RASA1: variants seen among roughly 807,000 people sequenced by gnomAD.
RASA1 encodes RAS p21 protein activator 1.
RASA1 carries 25 observed loss-of-function variants against 132.2 expected under a neutral mutation model. The observed-to-expected ratio is 0.19, with a 90% confidence interval of 0.14 to 0.26. The LOEUF (loss-of-function observed/expected upper bound fraction) is 0.26. RASA1 is among the 10% of genes least tolerant of loss of function. The pLI is 1.00. For missense variants in RASA1, 964 were observed against 1,299.2 expected (o/e 0.74, Z 3.97); for synonymous variants, 477 against 449.9 (o/e 1.06, Z -0.76).
intron 18 of RASA1, among the ~76,000 whole-genome samples, chr5:87,378,875 T>G (rs2112496632): frequency 6.6e-6 from 1 of 152,338 alleles, no homozygotes; most frequent in Non-Finnish European, 1.5e-5. Flanking sequence ...TTATATAACC[T>G]ATGTAGCACT....
At chr5:87,352,592 A>G (rs1448573909) in intron 8 of RASA1, among the ~76,000 whole-genome samples, 1 of 151,704 alleles carries the variant, frequency 6.6e-6, no homozygotes, top group African/African-American at 2.4e-5. Context: ...AATTTGTAGC[A>G]CTTTTAATCA....
At chr5:87,365,693 T>A (rs1238199770) in intron 11 of RASA1, among the ~76,000 whole-genome samples, 1 of 152,028 alleles carries the variant, frequency 6.6e-6, no homozygotes, top group East Asian at 1.9e-4. Context: ...ATTAGACTCA[T>A]AAGATAAAAA....
At chr5:87,321,842 C>T (rs1227871831) in intron 1 of RASA1, among the ~76,000 whole-genome samples, 2 of 152,210 alleles carry the variant, frequency 1.3e-5, no homozygotes, top group Non-Finnish European at 2.9e-5. Context: ...ATAGGACCCT[C>T]TCTGAAATGA....
At chr5:87,374,802 A>G (rs751085665) in intron 14 of RASA1, 38 bp from the exon 15 acceptor site, 3 of 1,605,870 alleles carry the variant, frequency 1.9e-6, no homozygotes, top group Non-Finnish European at 2.6e-6. Context: ...TTTGATGCCA[A>G]AACATTTTGT....
intron 17 of RASA1, chr5:87,377,270 C>T (rs1761391243): frequency 1.8e-6 from 1 of 547,206 alleles, no homozygotes; most frequent in African/African-American, 1.9e-5. Flanking sequence ...CTAGAAGCCA[C>T]AAGAAGGTGG....
intron 1 of RASA1, among the ~76,000 whole-genome samples, chr5:87,325,772 A>G (rs1386080077): frequency 1.3e-5 from 2 of 152,210 alleles, no homozygotes; most frequent in African/African-American, 2.4e-5. Context: ...TGTAGTAGAC[A>G]GTTTTCATTT....
At chr5:87,295,288 T>C (rs1253031390) in intron 1 of RASA1, among the ~76,000 whole-genome samples, 1 of 152,006 alleles carries the variant, frequency 6.6e-6, no homozygotes, top group Non-Finnish European at 1.5e-5. Context: ...TGGTCTACTT[T>C]GACAGTGTCT....
chr5:87,386,137 A>G (rs964242619), intron 22 of RASA1, among the ~76,000 whole-genome samples: 7 of 151,990 alleles, frequency 4.6e-5, no homozygotes, highest in African/African-American at 1.4e-4. Context: ...TTGGATAGGC[A>G]TAATATTTTG....
intron 5 of RASA1, among the ~76,000 whole-genome samples, chr5:87,339,071 T>G (rs931050105): frequency 6.6e-6 from 1 of 152,196 alleles, no homozygotes; most frequent in Non-Finnish European, 1.5e-5. Flanking sequence ...GGAGTGGCTT[T>G]CTGTTGTCTT....
chr5:87,273,179 G>C (rs950748850), intron 1 of RASA1, among the ~76,000 whole-genome samples: 2 of 152,046 alleles, frequency 1.3e-5, no homozygotes, highest in African/African-American at 4.8e-5. Flanking sequence ...TTAGTATTTT[G>C]TACCTTGTTT....
At chr5:87,387,935 A>C (rs577562007) in intron 23 of RASA1, among the ~76,000 whole-genome samples, 1 of 152,284 alleles carries the variant, frequency 6.6e-6, no homozygotes, top group Non-Finnish European at 1.5e-5. Flanking sequence ...ACAATCTAAG[A>C]TTTCATACTG....
chr5:87,379,841 T>A lies in RASA1; in HGVS notation c.2594T>A (p.Ile865Lys). 1 of 1,612,438 alleles carries A rather than the reference T, an allele frequency of 6.2e-7. No homozygotes were observed. ...LVEKIFMASE[I>K]LPPTLRYIYG... ...GAGAAAATATTCATGGCTTCAGAAA[T>A]ACTTCCACCGTAAGTGGTGAAATTT... Residue 865 changes from isoleucine (I) to lysine (K), a missense_variant, in exon 19 of 25, where the codon ATA (isoleucine) becomes AAA (lysine). Physicochemically the swap from Ile to Lys is moderately radical, Grantham distance 102. Around this residue, in one of 6 missense-constraint regions of RASA1, gnomAD observed 346 missense variants for 520.1 expected, o/e 0.67. Coordinates refer to ENST00000274376, the MANE Select transcript of RASA1 (RefSeq NM_002890.3).
chr5:87,268,716 G>A lies in RASA1; in HGVS notation c.265G>A (p.Gly89Arg). ...ACTGGGGGGAGCTGGACTGACAGGG[G>A]GAGGTACTGCTGCTGGCGTAGCTGG... ...GALGGAGLTG[G>R]GTAAGVAGAA... The change falls in exon 1 of 25, where the codon GGA (glycine) becomes AGA (arginine). Residue 89 changes from glycine (G) to arginine (R), a missense_variant. Transcript: ENST00000274376. 2 of 1,612,726 alleles carry A rather than the reference G, an allele frequency of 1.2e-6. No individual in the cohort carries two copies. The highest frequency in any genetic ancestry group is 1.7e-6 in the Non-Finnish European group (2 of 1,179,434).
intron 1 of RASA1, among the ~76,000 whole-genome samples, chr5:87,310,745 A>C (rs1413538888): frequency 6.6e-6 from 1 of 152,176 alleles, no homozygotes; most frequent in Non-Finnish European, 1.5e-5. Context: ...AATTTTCATA[A>C]TACTAATGTA....
chr5:87,370,003 C>A, intron 12 of RASA1, 103 bp downstream of exon 12: 1 of 953,192 alleles, frequency 1.0e-6, no homozygotes, highest in South Asian at 1.5e-5. Context: ...AGTGACAGAA[C>A]GCCTGAAATC....
intron 1 of RASA1, 63 bp from the exon 2 acceptor site, chr5:87,331,285 A>T: frequency 6.7e-7 from 1 of 1,487,090 alleles, no homozygotes; most frequent in South Asian, 1.1e-5. Context: ...ATGTTTTTCA[A>T]GTGTCCATAG....
intron 1 of RASA1, among the ~76,000 whole-genome samples, chr5:87,286,927 A>C (rs948640636): frequency 1.3e-5 from 2 of 149,582 alleles, no homozygotes; most frequent in African/African-American, 4.9e-5. Context: ...ATATATATAC[A>C]TACCATATAT....
At chr5:87,354,893 T>A (rs893828215) in intron 9 of RASA1, among the ~76,000 whole-genome samples, 3 of 152,142 alleles carry the variant, frequency 2.0e-5, no homozygotes, top group Non-Finnish European at 4.4e-5. Flanking sequence ...GGATTGAAGA[T>A]TAAACCAGGG....
At chr5:87,320,586 C>G (rs1468734165) in intron 1 of RASA1, among the ~76,000 whole-genome samples, 1 of 152,106 alleles carries the variant, frequency 6.6e-6, no homozygotes, top group Non-Finnish European at 1.5e-5. Context: ...ACTTTTAAAC[C>G]ATCAGATCTT....
Sources: gnomAD v4.1 joint callset for allele counts (sites outside exome capture counted in the v4.1 genomes callset) on GRCh38, gnomAD v4.1.1 for gene constraint, gnomAD v4.1.1 regional missense constraint, MANE v1.5 for transcripts, NCBI Gene and HGNC (gene_info 2026-07-23, HGNC 2026-07-21) for gene names.